Variants in TMEM132C observed in about 807,000 individuals in gnomAD.
The protein encoded by TMEM132C is transmembrane protein 132C, also known as protein phosphatase 1, regulatory subunit 152.
TMEM132C carries 29 observed loss-of-function variants against 61.4 expected under a neutral mutation model. That is an observed-to-expected ratio of 0.47 (90% CI 0.35 to 0.64). The LOEUF (loss-of-function observed/expected upper bound fraction) is 0.64, where lower values mean the gene tolerates loss of function less well. TMEM132C is among the 30% of genes least tolerant of loss of function. The pLI is 0.00. For missense variants in TMEM132C, 1,408 were observed against 1,476.9 expected (o/e 0.95, Z 0.76); for synonymous variants, 656 against 633.1 (o/e 1.04, Z -0.54).
At chr12:128,670,577 C>T (rs1420679165) in intron 5 of TMEM132C, among the ~76,000 whole-genome samples, 3 of 152,076 alleles carry the variant, frequency 2.0e-5, no homozygotes, top group Non-Finnish European at 2.9e-5. Flanking sequence ...CCTGTAGGTT[C>T]GTCCACGTTC....
Position 128,364,221 on chromosome 12 carries a change from T to C in TMEM132C, c.86-50511T>C, listed in dbSNP as rs556694238. Among the ~76,000 whole-genome samples, 21 of 152,070 alleles carry C rather than the reference T, an allele frequency of 1.4e-4. No homozygotes were observed. The South Asian group carries it at 4.0e-3, about 29-fold the overall frequency. ...ATTAAAACATCAGATTCTCTCTCTCTCTGTTTTCTTCCTCCTTCTCCTCCT... is the reference window on the plus strand; with the variant it reads ...ATTAAAACATCAGATTCTCTCTCTCCCTGTTTTCTTCCTCCTTCTCCTCCT... On this transcript the variant is annotated intron_variant, in intron 1 of 8. Coordinates refer to ENST00000435159, the MANE Select transcript of TMEM132C (RefSeq NM_001136103.3).
At chr12:128,615,836 C>A (rs1375784217) in intron 3 of TMEM132C, among the ~76,000 whole-genome samples, 1 of 152,210 alleles carries the variant, frequency 6.6e-6, no homozygotes, top group African/African-American at 2.4e-5. Context: ...GTGCATACTG[C>A]AGGTGTGAGA....
intron 5 of TMEM132C, among the ~76,000 whole-genome samples, chr12:128,691,859 A>G (rs1360070704): frequency 2.6e-5 from 4 of 151,000 alleles, no homozygotes; most frequent in Non-Finnish European, 5.9e-5. Context: ...TCCACCACCC[A>G]TTCACCTGTC....
At chr12:128,375,153 A>G (rs1221821590) in intron 1 of TMEM132C, among the ~76,000 whole-genome samples, 1 of 151,950 alleles carries the variant, frequency 6.6e-6, no homozygotes, top group Non-Finnish European at 1.5e-5. Flanking sequence ...CTTAGATCTT[A>G]CCAAATGTCC....
intron 1 of TMEM132C, among the ~76,000 whole-genome samples, chr12:128,396,254 C>T (rs1614582): frequency 0.38 from 57,247 of 151,972 alleles, 12,097 homozygotes; most frequent in African/African-American, 0.58. Flanking sequence ...CTTTCTATGC[C>T]AGTACATGTA....
At chr12:128,540,317 G>A (rs1336901376) in intron 2 of TMEM132C, among the ~76,000 whole-genome samples, 3 of 152,122 alleles carry the variant, frequency 2.0e-5, no homozygotes, top group East Asian at 1.9e-4. Context: ...GCAGTGGCAC[G>A]ATCTTGGCTC....
At chr12:128,579,781 C>A (rs1255801774) in intron 3 of TMEM132C, among the ~76,000 whole-genome samples, 1 of 152,156 alleles carries the variant, frequency 6.6e-6, no homozygotes, top group African/African-American at 2.4e-5. Context: ...TGCCTTCAAG[C>A]TGGAGAGATG....
intron 1 of TMEM132C, among the ~76,000 whole-genome samples, chr12:128,323,356 A>C (rs1449417363): frequency 6.6e-6 from 1 of 152,234 alleles, no homozygotes; most frequent in Non-Finnish European, 1.5e-5. Context: ...CACAGAATGG[A>C]GAGCCCACTG....
chr12:128,406,156 G>T (rs2136014377), intron 1 of TMEM132C, among the ~76,000 whole-genome samples: 1 of 152,294 alleles, frequency 6.6e-6, no homozygotes, highest in Non-Finnish European at 1.5e-5. Flanking sequence ...CATGGACATT[G>T]GCTCCAATTC....
chr12:128,507,286 G>A (rs374673158), intron 2 of TMEM132C, among the ~76,000 whole-genome samples: 14 of 151,994 alleles, frequency 9.2e-5, no homozygotes, highest in Admixed American at 3.9e-4. Context: ...ATGCTGGACC[G>A]TGCAGAGAGG....
At chr12:128,536,713 G>T (rs1349132670) in intron 2 of TMEM132C, among the ~76,000 whole-genome samples, 1 of 151,860 alleles carries the variant, frequency 6.6e-6, no homozygotes, top group Non-Finnish European at 1.5e-5. Context: ...TCACAAGAAT[G>T]TATCTCCTTC....
In TMEM132C at chr12:128,538,165, G is replaced by A. The variant is rs376139826; in HGVS notation, c.975-5792G>A. On this transcript the variant is annotated intron_variant, in intron 2 of 8. Coordinates refer to ENST00000435159, the MANE Select transcript of TMEM132C (RefSeq NM_001136103.3). Reference sequence around the variant, plus strand: ...GATGGAGTCTCGTTCTTGTTGCCCAGGCTGGAGTGCAGTGGCACAATCTCA... The same window carrying A: ...GATGGAGTCTCGTTCTTGTTGCCCAAGCTGGAGTGCAGTGGCACAATCTCA... 3.2e-4 allele frequency among the ~76,000 whole-genome samples: 49 copies of A among 152,282 alleles called. 1 individual carries two copies. In the South Asian group the frequency reaches 1.0e-2, roughly 31 times the overall value.
intron 2 of TMEM132C, among the ~76,000 whole-genome samples, chr12:128,447,876 G>A (rs549376604): frequency 2.2e-5 from 3 of 133,860 alleles, no homozygotes; most frequent in Admixed American, 7.4e-5. Flanking sequence ...ACAGGCGCCC[G>A]CCACCGCGCC....
rs557422037 is a variant in TMEM132C, at chr12:128,373,484, G to C, written c.86-41248G>C. ...AAAACCAAGTTCACTTTGCAGGGGAGAAAGAGAGAATGAATATTGGGTAAG... is the reference window on the plus strand; with the variant it reads ...AAAACCAAGTTCACTTTGCAGGGGACAAAGAGAGAATGAATATTGGGTAAG... On this transcript the variant is annotated intron_variant, in intron 1 of 8. Transcript: ENST00000435159. Among the ~76,000 whole-genome samples the C allele has an allele frequency of 6.3e-4, 96 of 152,204 alleles. 1 individual carries two copies. Among genetic ancestry groups the C allele is most frequent in the Non-Finnish European group, 1.1e-3 (78 of 68,048 alleles).
chr12:128,540,705 A>G (rs11059757), intron 2 of TMEM132C, among the ~76,000 whole-genome samples: 69,649 of 151,666 alleles, frequency 0.46, 18,570 homozygotes, highest in Non-Finnish European at 0.6. Flanking sequence ...AACAACCAAT[A>G]CAGAGGACTC....
At chr12:128,417,215 C>T (rs1868811595) in intron 2 of TMEM132C, among the ~76,000 whole-genome samples, 2 of 152,110 alleles carry the variant, frequency 1.3e-5, no homozygotes. Flanking sequence ...ATGCATCTAT[C>T]CCTGGCTTTG....
intron 1 of TMEM132C, among the ~76,000 whole-genome samples, chr12:128,355,631 C>G (rs1194457843): frequency 6.6e-6 from 1 of 151,948 alleles, no homozygotes; most frequent in East Asian, 1.9e-4. Flanking sequence ...GCTATGTACT[C>G]TCTCTTCATA....
intron 2 of TMEM132C, among the ~76,000 whole-genome samples, chr12:128,508,699 T>C (rs1042504393): frequency 6.6e-6 from 1 of 152,220 alleles, no homozygotes; most frequent in African/African-American, 2.4e-5. Context: ...TCTCCCTTGT[T>C]CCAGTGTCCC....
chr12:128,696,336 C>A (rs1482278474), intron 7 of TMEM132C, among the ~76,000 whole-genome samples: 1 of 152,132 alleles, frequency 6.6e-6, no homozygotes, highest in Non-Finnish European at 1.5e-5. Context: ...ATGGCTGCCT[C>A]CACCATTCCC....
Sources: allele counts gnomAD v4.1 joint callset (sites outside exome capture counted in the v4.1 genomes callset), GRCh38; gene constraint gnomAD v4.1.1; transcripts MANE v1.5; gene names NCBI Gene and HGNC (gene_info 2026-07-23, HGNC 2026-07-21).